Variants in CSRNP3 observed in about 807,000 individuals in gnomAD.
CSRNP3 encodes cysteine/serine-rich nuclear protein 3.
In CSRNP3, 12 loss-of-function variants were observed where a neutral mutation model predicts 48.0. That is an observed-to-expected ratio of 0.25 (90% confidence interval 0.16 to 0.41). The LOEUF (loss-of-function observed/expected upper bound fraction) is 0.41. CSRNP3 is among the 10% of genes least tolerant of loss of function. The pLI, the probability that CSRNP3 is intolerant of heterozygous loss-of-function variation, is 1.00. For synonymous variants in CSRNP3, 263 were observed against 269.7 expected (o/e 0.98, Z 0.24); for missense variants, 580 against 724.4 (o/e 0.80, Z 2.29).
At chr2:165,671,317 C>T (rs368150168) in intron 5 of CSRNP3, among the ~76,000 whole-genome samples, 1 of 152,126 alleles carries the variant, frequency 6.6e-6, no homozygotes, top group Non-Finnish European at 1.5e-5. Flanking sequence ...AAAATGAATA[C>T]CACTGTGAAT....
At chr2:165,588,546 C>T (rs1018815815) in intron 3 of CSRNP3, among the ~76,000 whole-genome samples, 41 of 152,322 alleles carry the variant, frequency 2.7e-4, no homozygotes, top group African/African-American at 7.7e-4. Flanking sequence ...AATTGGACAA[C>T]GATAGCTGTG....
At chr2:165,634,114 G>A (rs561768940) in intron 4 of CSRNP3, among the ~76,000 whole-genome samples, 2 of 152,126 alleles carry the variant, frequency 1.3e-5, no homozygotes, top group African/African-American at 4.8e-5. Context: ...CAAGGCAGGC[G>A]GATCTCTTGA....
intron 3 of CSRNP3, among the ~76,000 whole-genome samples, chr2:165,581,310 A>C (rs1685541606): frequency 6.6e-6 from 1 of 152,032 alleles, no homozygotes. Flanking sequence ...AGCCAGAGAG[A>C]GTCATGGAAA....
At chr2:165,657,479 C>T (rs141161832) in intron 4 of CSRNP3, among the ~76,000 whole-genome samples, 121 of 152,286 alleles carry the variant, frequency 7.9e-4, no homozygotes, top group Middle Eastern at 3.4e-3. Context: ...CACAGATTCA[C>T]AGACTATTGA....
At chr2:165,579,968 GC>G (rs1685515016) in intron 3 of CSRNP3, among the ~76,000 whole-genome samples, 2 of 114,324 alleles carry the variant, frequency 1.7e-5, no homozygotes, top group South Asian at 5.9e-4. Context: ...TCACTCTGTC[GC>G]CCAGGCTGGA....
chr2:165,623,916 A>C (rs1489862512), intron 4 of CSRNP3, among the ~76,000 whole-genome samples: 3 of 152,120 alleles, frequency 2.0e-5, no homozygotes, highest in Non-Finnish European at 4.4e-5. Flanking sequence ...CCTTCTCTCC[A>C]CAAAAGGGAG....
chr2:165,591,199 G>T (rs151014714), intron 3 of CSRNP3, among the ~76,000 whole-genome samples: 1 of 152,288 alleles, frequency 6.6e-6, no homozygotes, highest in African/African-American at 2.4e-5. Flanking sequence ...ATGGAGTAAA[G>T]GTCACTCTTG....
chr2:165,553,620 A>G (rs1685126832), intron 3 of CSRNP3, among the ~76,000 whole-genome samples: 1 of 152,134 alleles, frequency 6.6e-6, no homozygotes, highest in African/African-American at 2.4e-5. Flanking sequence ...CCTCATCTTC[A>G]TGATCTTGTT....
intron 3 of CSRNP3, among the ~76,000 whole-genome samples, chr2:165,553,982 T>A (rs1685131687): frequency 6.6e-6 from 1 of 152,250 alleles, no homozygotes; most frequent in Non-Finnish European, 1.5e-5. Flanking sequence ...ATTTATCCTC[T>A]GATCAGGCAT....
chr2:165,497,094 A>G (rs770774903), intron 2 of CSRNP3, among the ~76,000 whole-genome samples: 13 of 152,042 alleles, frequency 8.6e-5, no homozygotes, highest in Non-Finnish European at 1.5e-4. Context: ...TTAACAGTAT[A>G]GTGGAGAGTG....
intron 5 of CSRNP3, among the ~76,000 whole-genome samples, chr2:165,672,658 C>G (rs1008203261): frequency 2.0e-5 from 3 of 152,190 alleles, no homozygotes; most frequent in African/African-American, 7.2e-5. Flanking sequence ...GTGAGGCAAT[C>G]CTGGCTGACT....
intron 3 of CSRNP3, among the ~76,000 whole-genome samples, chr2:165,561,729 C>A (rs1404019172): frequency 6.6e-6 from 1 of 152,120 alleles, no homozygotes; most frequent in East Asian, 1.9e-4. Context: ...ACAGTATGTT[C>A]TTTCTCTTAA....
intron 3 of CSRNP3, among the ~76,000 whole-genome samples, chr2:165,573,552 A>G (rs185921422): frequency 1.3e-5 from 2 of 152,354 alleles, no homozygotes; most frequent in African/African-American, 4.8e-5. Flanking sequence ...TTGCTGCTAT[A>G]TGAATCTTTA....
rs926616994 is a variant in CSRNP3, at chr2:165,685,687, T to C, written c.*5934T>C. 6.6e-6 allele frequency: 1 copy of C among 152,126 alleles called. No homozygotes were observed. The highest frequency in any genetic ancestry group is 1.9e-4 in the East Asian group (1 of 5,198). 9.4% of individuals were successfully genotyped at this position (152,126 alleles called of 1,614,324 possible). A position where few individuals can be genotyped will look rare whatever the true frequency, so the allele number is the denominator to read the frequency against. On this transcript the variant is annotated 3_prime_UTR_variant, in exon 7 of 7. Transcript: ENST00000651982. ...TATCACTATACAGGGTAATTGCTTT[T>C]ATAAATTTGATCCTTTGCATTGGCT...
At chr2:165,510,243 A>C (rs1046667437) in intron 2 of CSRNP3, among the ~76,000 whole-genome samples, 4 of 152,124 alleles carry the variant, frequency 2.6e-5, no homozygotes, top group African/African-American at 9.7e-5. Flanking sequence ...GTGGTGATCA[A>C]GCTTTGCTTC....
chr2:165,512,827 G>T (rs983113107), intron 2 of CSRNP3, among the ~76,000 whole-genome samples: 1 of 152,198 alleles, frequency 6.6e-6, no homozygotes, highest in African/African-American at 2.4e-5. Flanking sequence ...AGGGTCAGCC[G>T]GGCATGGCGG....
intron 4 of CSRNP3, among the ~76,000 whole-genome samples, chr2:165,645,787 C>G (rs1008065950): frequency 1.3e-5 from 2 of 152,178 alleles, no homozygotes; most frequent in African/African-American, 4.8e-5. Context: ...CTCCTTTCAC[C>G]TAGGCTGGAG....
chr2:165,651,611 G>A (rs564751744), intron 4 of CSRNP3, among the ~76,000 whole-genome samples: 3 of 149,018 alleles, frequency 2.0e-5, no homozygotes, highest in South Asian at 2.1e-4. Flanking sequence ...CCCTGGCATT[G>A]TGGATTAGTC....
Position 165,686,394 on chromosome 2 carries a change from T to G in CSRNP3, c.*6641T>G, listed in dbSNP as rs1241558820. ...TACATTGTATCCAATTTTGTTTTGCTCCTCCTTTTCATGTGGTCACCAAGC... is the reference window on the plus strand; with the variant it reads ...TACATTGTATCCAATTTTGTTTTGCGCCTCCTTTTCATGTGGTCACCAAGC... On this transcript the variant is annotated 3_prime_UTR_variant, in exon 7 of 7. Transcript: ENST00000651982. The G allele has an allele frequency of 6.6e-6, 1 of 152,160 alleles. No individual in the cohort carries two copies. Among genetic ancestry groups the G allele is most frequent in the East Asian group, 1.9e-4 (1 of 5,170 alleles). The allele number at this position is 152,160 out of a possible 1,614,324, so 9.4% of individuals were successfully genotyped here.
Sources: gnomAD v4.1 joint callset for allele counts (sites outside exome capture counted in the v4.1 genomes callset) on GRCh38, gnomAD v4.1.1 for gene constraint, MANE v1.5 for transcripts, NCBI Gene and HGNC (gene_info 2026-07-23, HGNC 2026-07-21) for gene names.